The following PCDH19 variants were observed in gnomAD, a reference collection of about 807,000 sequenced individuals.
PCDH19 encodes the protein protocadherin-19.
Under a neutral mutation model 46.2 loss-of-function variants are expected in PCDH19, and 6 were observed. That is an observed-to-expected ratio of 0.13 (90% confidence interval 0.07 to 0.26). PCDH19 has a LOEUF of 0.26. PCDH19 is among the 10% of genes least tolerant of loss of function. PCDH19 has a pLI of 1.00. For synonymous variants in PCDH19, 481 were observed against 415.7 expected (o/e 1.16, Z -1.91); for missense variants, 740 against 972.3 (o/e 0.76, Z 3.18).
At chrX:100,372,031 G>A (rs1927244085) in intron 3 of PCDH19, among the ~76,000 whole-genome samples, 1 of 111,815 alleles carries the variant, frequency 8.9e-6, no homozygotes, top group Admixed American at 9.5e-5. Flanking sequence ...GAGGTCAGGA[G>A]TTCAAGACCA....
intron 3 of PCDH19, among the ~76,000 whole-genome samples, chrX:100,376,235 C>CAAAAAA (rs1171817638): frequency 6.1e-5 from 2 of 32,857 alleles, no homozygotes; most frequent in African/African-American, 1.1e-4. Context: ...AACTCCGTCT[C>CAAAAAA]AAAAAAAAAA....
chrX:100,406,744 G>A lies in PCDH19; in HGVS notation c.1854C>T (p.Asp618=). 1 of 1,211,856 alleles carries A rather than the reference G, an allele frequency of 8.3e-7. No individual in the cohort carries two copies. Among genetic ancestry groups the A allele is most frequent in the Non-Finnish European group, 1.1e-6 (1 of 895,539 alleles). The change falls in exon 1 of 6, where the codon GAC becomes GAT. Residue 618 remains aspartate, a synonymous_variant. Coordinates refer to ENST00000373034, the MANE Select transcript of PCDH19 (RefSeq NM_001184880.2). ...TEGDRGFFEI[D]QVNGEVRTTR... ...TGGTTCTGACTTCGCCATTGACCTGGTCTATTTCAAAGAAGCCGCGGTCGC... is the reference window on the plus strand; with the variant it reads ...TGGTTCTGACTTCGCCATTGACCTGATCTATTTCAAAGAAGCCGCGGTCGC...
intron 4 of PCDH19, 42 bp from the exon 5 acceptor site, chrX:100,342,117 C>T: frequency 8.7e-7 from 1 of 1,149,627 alleles, no homozygotes. Context: ...CGTGACAGAT[C>T]TGATTTTAAA....
Position 100,408,607 on chromosome X carries a change from G to C in PCDH19, c.-10C>G. On this transcript the variant is annotated 5_prime_UTR_variant, in exon 1 of 6. Transcript: ENST00000373034. ...GCAGGAGCGACTCCATGGCTGCACG[G>C]GGCTCTGCCTGGCCTCGCCTCTCCA... is the stretch of plus-strand genomic sequence containing the variant. The C allele has an allele frequency of 8.7e-7, 1 of 1,143,364 alleles. No individual in the cohort carries two copies. The highest frequency in any genetic ancestry group is 1.9e-5 in the South Asian group (1 of 52,405). The allele number at this position is 1,143,364 out of a possible 1,213,427, so 94.2% of individuals were successfully genotyped here. A position where few individuals can be genotyped will look rare whatever the true frequency, so the allele number is the denominator to read the frequency against.
At chrX:100,335,270 G>A (rs1202021190) in intron 5 of PCDH19, among the ~76,000 whole-genome samples, 1 of 111,356 alleles carries the variant, frequency 9.0e-6, no homozygotes, top group Non-Finnish European at 1.9e-5. Context: ...TGAGAGAAAG[G>A]ATAAAGTTTC....
intron 5 of PCDH19, among the ~76,000 whole-genome samples, chrX:100,332,568 C>T (rs1482646364): frequency 9.1e-6 from 1 of 109,601 alleles, no homozygotes; most frequent in Non-Finnish European, 1.9e-5. Context: ...TATGAATGGA[C>T]TTAATTCCCC....
chrX:100,333,616 A>G (rs1041002325), intron 5 of PCDH19, among the ~76,000 whole-genome samples: 1 of 111,817 alleles, frequency 8.9e-6, no homozygotes, highest in African/African-American at 3.3e-5. Flanking sequence ...CTCCTTTTAC[A>G]TATCCTGCAT....
At chrX:100,322,106 C>A (rs1925509766) in intron 5 of PCDH19, among the ~76,000 whole-genome samples, 1 of 110,657 alleles carries the variant, frequency 9.0e-6, no homozygotes, top group Admixed American at 9.6e-5. Flanking sequence ...GTTTTTATTG[C>A]ATTTGCTTTT....
At chrX:100,388,344 CTA>C (rs1324487113) in intron 3 of PCDH19, among the ~76,000 whole-genome samples, 1 of 109,846 alleles carries the variant, frequency 9.1e-6, no homozygotes, top group African/African-American at 3.3e-5. Flanking sequence ...TGGAATTAAT[CTA>C]TGTGTGTTAT....
At chrX:100,364,333 T>G (rs1266878685) in intron 3 of PCDH19, among the ~76,000 whole-genome samples, 1 of 111,786 alleles carries the variant, frequency 8.9e-6, no homozygotes. Context: ...GCATAGACAT[T>G]AGCCACATGT....
chrX:100,386,171 T>C (rs1322015259), intron 3 of PCDH19, among the ~76,000 whole-genome samples: 1 of 111,420 alleles, frequency 9.0e-6, no homozygotes, highest in Non-Finnish European at 1.9e-5. Flanking sequence ...AACATTTCAG[T>C]CACATCATCC....
intron 5 of PCDH19, among the ~76,000 whole-genome samples, chrX:100,321,636 ATTTG>A (rs1163310226): frequency 1.8e-5 from 2 of 108,494 alleles, no homozygotes; most frequent in Non-Finnish European, 3.8e-5. Context: ...TTTCTCATTG[ATTTG>A]TTTGAGTTCG....
intron 5 of PCDH19, among the ~76,000 whole-genome samples, chrX:100,327,593 A>G (rs1036494701): frequency 2.7e-5 from 3 of 112,290 alleles, no homozygotes; most frequent in African/African-American, 9.7e-5. Context: ...AGGTTTATCA[A>G]TGAGTATTAG....
At chrX:100,304,121 C>G in intron 5 of PCDH19, among the ~76,000 whole-genome samples, 1 of 112,364 alleles carries the variant, frequency 8.9e-6, no homozygotes. Flanking sequence ...AACACAAAGC[C>G]AGTGCACTAA....
intron 3 of PCDH19, among the ~76,000 whole-genome samples, chrX:100,362,008 T>C (rs1417351801): frequency 9.0e-6 from 1 of 111,457 alleles, no homozygotes; most frequent in Non-Finnish European, 1.9e-5. Context: ...ACCATCAGAC[T>C]CCCAGCAGCA....
intron 5 of PCDH19, among the ~76,000 whole-genome samples, chrX:100,332,343 G>A (rs1209150445): frequency 1.8e-5 from 2 of 111,008 alleles, no homozygotes; most frequent in African/African-American, 6.6e-5. Context: ...CCAACGTGGT[G>A]AAACCCCGTC....
intron 3 of PCDH19, among the ~76,000 whole-genome samples, chrX:100,351,810 C>T (rs1370822184): frequency 8.9e-6 from 1 of 112,535 alleles, no homozygotes; most frequent in Non-Finnish European, 1.9e-5. Flanking sequence ...GTACTAGGCT[C>T]CTAGATGCAG....
intron 5 of PCDH19, among the ~76,000 whole-genome samples, chrX:100,312,293 A>G (rs1430750637): frequency 9.0e-6 from 1 of 111,404 alleles, no homozygotes; most frequent in Non-Finnish European, 1.9e-5. Context: ...TTGCAAAACC[A>G]GGTAGAAATC....
chrX:100,385,286 A>C (rs1357539807), intron 3 of PCDH19, among the ~76,000 whole-genome samples: 1 of 111,391 alleles, frequency 9.0e-6, no homozygotes, highest in Non-Finnish European at 1.9e-5. Flanking sequence ...GTACAGTGAA[A>C]TGGGCTTTCA....
Sources: allele counts gnomAD v4.1 joint callset (sites outside exome capture counted in the v4.1 genomes callset), GRCh38; gene constraint gnomAD v4.1.1; transcripts MANE v1.5; gene names NCBI Gene and HGNC (gene_info 2026-07-23, HGNC 2026-07-21).